The following TXNL4A variants were observed in gnomAD, a reference collection of about 807,000 sequenced individuals.
TXNL4A encodes the protein thioredoxin-like protein 4A.
In TXNL4A, 17 loss-of-function variants were observed where a neutral mutation model predicts 14.6. The ratio of observed to expected loss-of-function variants is 1.16; its 90% CI spans 0.80 to 1.74. The LOEUF is 1.74. Ranked by LOEUF, TXNL4A falls within the 40% of genes most tolerant of loss-of-function variation. The pLI is 0.00. For synonymous variants in TXNL4A, 83 were observed against 70.6 expected, an observed-to-expected ratio of 1.18 and a Z score of -0.88; for missense variants, 74 against 195.2, an observed-to-expected ratio of 0.38 and a Z score of 3.70.
chr18:79,981,941 A>G (rs2051470667), intron 1 of TXNL4A, among the ~76,000 whole-genome samples: 1 of 130,554 alleles, frequency 7.7e-6, no homozygotes, highest in Admixed American at 7.4e-5. Context: ...ACACCTCTAA[A>G]TAGATGTCGC....
At chr18:80,020,971 G>T (rs1224736139) in intron 1 of TXNL4A, among the ~76,000 whole-genome samples, 1 of 152,126 alleles carries the variant, frequency 6.6e-6, no homozygotes, top group Non-Finnish European at 1.5e-5. Context: ...TCCTCTACCT[G>T]CTAGAAAATA....
chr18:79,988,102 G>T, intron 1 of TXNL4A, 138 bp downstream of exon 1: 1 of 1,075,486 alleles, frequency 9.3e-7, no homozygotes, highest in South Asian at 2.8e-5. Context: ...ACCGCAGCGA[G>T]GGGAGGAATC....
chr18:80,004,714 G>A (rs1030383076), intron 1 of TXNL4A, among the ~76,000 whole-genome samples: 8 of 152,188 alleles, frequency 5.3e-5, no homozygotes, highest in Non-Finnish European at 8.8e-5. Flanking sequence ...TGCACGCTCT[G>A]AGAACTCATG....
intron 1 of TXNL4A, among the ~76,000 whole-genome samples, chr18:80,003,322 A>G (rs1245985292): frequency 6.6e-6 from 1 of 152,220 alleles, no homozygotes; most frequent in Non-Finnish European, 1.5e-5. Context: ...GTGACACCCC[A>G]CCAGGTGACT....
At position 79,973,866 on chromosome 18, in the gene TXNL4A, G is replaced by C. The variant is rs1412652539; in HGVS notation, c.258-10C>G. The C allele has an allele frequency of 6.2e-7, 1 of 1,612,306 alleles. No individual in the cohort carries two copies. The highest frequency in any genetic ancestry group is 8.5e-7 in the Non-Finnish European group (1 of 1,179,234). On this transcript the variant is annotated splice_polypyrimidine_tract_variant and intron_variant, in intron 2 of 2. Coordinates refer to ENST00000269601, the MANE Select transcript of TXNL4A (RefSeq NM_006701.5). ...CATGATGTGCTTGTTCCTGCAACGA[G>C]AAACAAGGGCATCCATTCTCATAGA...
rs1258517642 is a variant in TXNL4A at position 79,988,291 on chromosome 18, C to T, written c.102G>A (p.Trp34Ter). The T allele has an allele frequency of 6.2e-7, 1 of 1,604,302 alleles. No homozygotes were observed. The highest frequency in any genetic ancestry group is 1.7e-5 in the Admixed American group (1 of 59,660). The change falls in exon 1 of 3, where the codon TGG (tryptophan) becomes TGA (stop). Residue 34 changes from tryptophan (W) to a stop codon, truncating the protein, a stop_gained. Transcript: ENST00000269601. LOFTEE classifies it high-confidence loss of function. ...CGTCCATCTTCATGCACGTAGGATC[C>T]CAGTCGTGGCCGAAGCGGATGACGA... ...RVVVIRFGHD[W>*]DPTCMKMDEV...
chr18:79,981,623 G>C (rs774109743), intron 1 of TXNL4A, among the ~76,000 whole-genome samples: 4 of 152,248 alleles, frequency 2.6e-5, no homozygotes, highest in Non-Finnish European at 5.9e-5. Flanking sequence ...AGTGAGCTGA[G>C]ACCGTGCCAC....
chr18:79,999,492 C>A (rs191721516), intron 1 of TXNL4A, among the ~76,000 whole-genome samples: 1 of 147,482 alleles, frequency 6.8e-6, no homozygotes, highest in African/African-American at 2.5e-5. Flanking sequence ...GCCAAGACTG[C>A]GCCACTGCAC....
chr18:80,023,168 A>G (rs2145126917), intron 1 of TXNL4A, among the ~76,000 whole-genome samples: 1 of 152,352 alleles, frequency 6.6e-6, no homozygotes, highest in South Asian at 2.1e-4. Context: ...GTGCCTTAAA[A>G]GAACATAAGA....
At chr18:79,995,051 CAGTT>C (rs1376186810) in intron 1 of TXNL4A, 3 of 152,246 alleles carry the variant, frequency 2.0e-5, no homozygotes, top group Non-Finnish European at 2.9e-5. Flanking sequence ...CAACTGTTAA[CAGTT>C]AGGGGAACCC....
At chr18:80,003,607 G>C (rs2051711101) in intron 1 of TXNL4A, among the ~76,000 whole-genome samples, 1 of 152,180 alleles carries the variant, frequency 6.6e-6, no homozygotes, top group Non-Finnish European at 1.5e-5. Flanking sequence ...TACATGGTCA[G>C]TGATTTCTAG....
At chr18:80,006,298 C>T (rs10163776) in intron 1 of TXNL4A, among the ~76,000 whole-genome samples, 116,210 of 151,702 alleles carry the variant, frequency 0.77, 45,617 homozygotes, top group East Asian at 0.91. Context: ...GCAGGAGAAT[C>T]GCTTGAACCC....
intron 1 of TXNL4A, 58 bp from the exon 2 acceptor site, chr18:79,977,759 T>C: frequency 8.9e-7 from 1 of 1,129,618 alleles, no homozygotes; most frequent in Non-Finnish European, 1.3e-6. Flanking sequence ...TTTCATTTTA[T>C]AGAAGCACAT....
chr18:79,986,539 CAAAG>C, intron 1 of TXNL4A: 1 of 978,040 alleles, frequency 1.0e-6, no homozygotes, highest in Non-Finnish European at 1.2e-6. Flanking sequence ...TCTGTAATAA[CAAAG>C]AAATTGGACA....
At chr18:80,005,061 C>T (rs2051720744) in intron 1 of TXNL4A, among the ~76,000 whole-genome samples, 1 of 152,208 alleles carries the variant, frequency 6.6e-6, no homozygotes, top group African/African-American at 2.4e-5. Context: ...ACAGGCAAAG[C>T]CAAACGTGAC....
At chr18:80,005,731 A>G (rs1245666786) in intron 1 of TXNL4A, among the ~76,000 whole-genome samples, 1 of 152,128 alleles carries the variant, frequency 6.6e-6, no homozygotes, top group African/African-American at 2.4e-5. Context: ...CCTGGCCAAC[A>G]TGGCAAAACC....
intron 1 of TXNL4A, among the ~76,000 whole-genome samples, chr18:79,995,677 G>C (rs748250213): frequency 6.6e-6 from 1 of 152,172 alleles, no homozygotes; most frequent in African/African-American, 2.4e-5. Flanking sequence ...TGATAAAAAG[G>C]AAAAACAGAA....
At position 80,011,741 on chromosome 18, in the gene TXNL4A, C is replaced by T. The variant is rs1037302557; in HGVS notation, c.-61+22110G>A. ...ACATCTTGGCTCCTCCTGAAACCCACTCCCACCTTTTCCGTCCCTATAAGT... is the reference window on the plus strand; with the variant it reads ...ACATCTTGGCTCCTCCTGAAACCCATTCCCACCTTTTCCGTCCCTATAAGT... On this transcript the variant is annotated intron_variant, in intron 1 of 2. Coordinates refer to the TXNL4A transcript ENST00000585474. This position sits in a 1 kb window ranked among gnomAD's most constrained non-coding sequence, Gnocchi z 4.1. Among the ~76,000 whole-genome samples, 29 of 152,140 alleles carry T rather than the reference C, an allele frequency of 1.9e-4. No homozygotes were observed. Among genetic ancestry groups the T allele is most frequent in the African/African-American group, 6.5e-4 (27 of 41,430 alleles).
intron 1 of TXNL4A, among the ~76,000 whole-genome samples, chr18:79,996,180 A>C (rs1046765313): frequency 1.3e-5 from 2 of 151,856 alleles, no homozygotes; most frequent in Non-Finnish European, 2.9e-5. Context: ...AAGAAAAGAC[A>C]AGAAAATGCA....
Sources: allele counts gnomAD v4.1 joint callset (sites outside exome capture counted in the v4.1 genomes callset), GRCh38; gene constraint gnomAD v4.1.1; non-coding constraint Gnocchi (gnomAD v3.1); transcripts MANE v1.5; gene names NCBI Gene and HGNC (gene_info 2026-07-23, HGNC 2026-07-21).